Variants in KALRN observed in about 807,000 individuals in gnomAD.
KALRN encodes the protein kalirin.
In KALRN, 70 loss-of-function variants were observed where a neutral mutation model predicts 353.7. The ratio of observed to expected loss-of-function variants is 0.20; its 90% CI spans 0.16 to 0.24. The LOEUF (loss-of-function observed/expected upper bound fraction) is 0.24. Among genes scored for constraint, KALRN ranks in the 10% least tolerant of loss-of-function variants. The probability of loss-of-function intolerance (pLI) is 1.00; values close to 1 mark genes in which losing one functional copy is unlikely to be tolerated. For synonymous variants in KALRN, 1,391 were observed against 1,434.8 expected (o/e 0.97, Z 0.69); for missense variants, 2,791 against 3,756.7 (o/e 0.74, Z 6.72).
intron 5 of KALRN, among the ~76,000 whole-genome samples, chr3:124,283,153 A>T (rs572095404): frequency 1.3e-5 from 2 of 152,262 alleles, no homozygotes; most frequent in African/African-American, 4.8e-5. Context: ...CGATTTTAGG[A>T]TGTGTGGGAG....
intron 25 of KALRN, among the ~76,000 whole-genome samples, chr3:124,471,103 C>T (rs561525618): frequency 6.6e-6 from 1 of 152,132 alleles, no homozygotes; most frequent in South Asian, 2.1e-4. Context: ...GGGTCAGATA[C>T]ATGTTTACCA....
Position 124,719,705 on chromosome 3 carries a change from CAGA to C in KALRN, c.*238_*240del. 1 of 468,782 alleles carries C rather than the reference CAGA, an allele frequency of 2.1e-6. No individual in the cohort carries two copies. The highest frequency in any genetic ancestry group is 3.8e-6 in the Non-Finnish European group (1 of 260,882). The allele number at this position is 468,782 out of a possible 1,614,324, so 29.0% of individuals were successfully genotyped here. A position where few individuals can be genotyped will look rare whatever the true frequency, so the allele number is the denominator to read the frequency against. On this transcript the variant is annotated 3_prime_UTR_variant, in exon 60 of 60. Coordinates refer to ENST00000682506, the MANE Select transcript of KALRN (RefSeq NM_001388419.1). This position sits in a 1 kb window ranked among gnomAD's most constrained non-coding sequence, Gnocchi z 5.3. ...GAAGAAATAAAGAGGCAAAGGGTCACAGAAGTGTTCAGAAGAAGGGCAAAGATA... is the reference window on the plus strand; with the variant it reads ...GAAGAAATAAAGAGGCAAAGGGTCACAGTGTTCAGAAGAAGGGCAAAGATA...
At chr3:124,202,205 T>C (rs1372975932) in intron 1 of KALRN, among the ~76,000 whole-genome samples, 2 of 152,194 alleles carry the variant, frequency 1.3e-5, no homozygotes, top group Non-Finnish European at 2.9e-5. Flanking sequence ...TCTGGAAAGT[T>C]CCCTCTTTGT....
chr3:124,643,993 G>A (rs1371852787), intron 37 of KALRN, among the ~76,000 whole-genome samples: 1 of 152,096 alleles, frequency 6.6e-6, no homozygotes, highest in Non-Finnish European at 1.5e-5. Context: ...CTAAAGAGTA[G>A]CTAAATGTAC....
intron 8 of KALRN, 95 bp downstream of exon 8, chr3:124,330,087 T>C: frequency 7.5e-7 from 1 of 1,325,768 alleles, no homozygotes; most frequent in Non-Finnish European, 1.0e-6. Flanking sequence ...ATAGCCTGGG[T>C]GGGACTAAGA....
At position 124,484,158 on chromosome 3, in the gene KALRN, A is replaced by G. The variant is rs141188979; in HGVS notation, c.4284+1258A>G. ...TCTCATTTCACTGAACCTGAAAACC[A>G]GTCTAATTTTAAATCTGCCATTCTA... On this transcript the variant is annotated intron_variant, in intron 28 of 59. Coordinates refer to ENST00000682506, the MANE Select transcript of KALRN (RefSeq NM_001388419.1). Among the ~76,000 whole-genome samples the G allele has an allele frequency of 7.9e-5, 12 of 152,326 alleles. No homozygotes were observed. The East Asian group carries it at 2.1e-3, about 27-fold the overall frequency.
At chr3:124,246,520 G>A (rs2081141654) in intron 3 of KALRN, among the ~76,000 whole-genome samples, 1 of 150,814 alleles carries the variant, frequency 6.6e-6, no homozygotes, top group African/African-American at 2.5e-5. Context: ...CAGCTCCTTG[G>A]CTGGTTGTGT....
intron 5 of KALRN, among the ~76,000 whole-genome samples, chr3:124,295,675 G>A (rs753069585): frequency 6.6e-6 from 1 of 152,052 alleles, no homozygotes; most frequent in Non-Finnish European, 1.5e-5. Flanking sequence ...TGGAGTGAGC[G>A]CTTTTCATCA....
chr3:124,441,008 C>T (rs367909880), intron 18 of KALRN, among the ~76,000 whole-genome samples: 122 of 152,054 alleles, frequency 8.0e-4, no homozygotes, highest in African/African-American at 2.7e-3. Context: ...TAATATGAGT[C>T]GTAAAGGGGG....
At chr3:124,487,999 G>A (rs914084393) in intron 28 of KALRN, among the ~76,000 whole-genome samples, 1 of 152,202 alleles carries the variant, frequency 6.6e-6, no homozygotes, top group African/African-American at 2.4e-5. Context: ...GTTTGGGCTA[G>A]ATTGGGCTGA....
intron 11 of KALRN, among the ~76,000 whole-genome samples, chr3:124,390,535 G>A (rs1398697593): frequency 6.6e-6 from 1 of 152,116 alleles, no homozygotes; most frequent in Admixed American, 6.5e-5. Context: ...AACAAAAATA[G>A]CCTTATCCTC....
intron 1 of KALRN, among the ~76,000 whole-genome samples, chr3:124,186,784 A>T (rs914092706): frequency 3.3e-5 from 5 of 152,200 alleles, no homozygotes; most frequent in Admixed American, 6.5e-5. Context: ...CCATTAAAGT[A>T]ACTCGTTCCT....
intron 33 of KALRN, chr3:124,519,110 C>G (rs546355131): frequency 2.0e-6 from 2 of 985,788 alleles, no homozygotes; most frequent in Admixed American, 6.1e-5. Flanking sequence ...CTAGCTCCTC[C>G]ATAACCTCAC....
intron 16 of KALRN, among the ~76,000 whole-genome samples, chr3:124,431,836 A>C (rs937954446): frequency 6.6e-6 from 1 of 152,194 alleles, no homozygotes; most frequent in Non-Finnish European, 1.5e-5. Context: ...CAACCATTTA[A>C]TTTCCCGGAA....
At chr3:124,577,165 CT>C (rs760579893) in intron 34 of KALRN, among the ~76,000 whole-genome samples, 33 of 152,138 alleles carry the variant, frequency 2.2e-4, no homozygotes, top group Non-Finnish European at 4.6e-4. Flanking sequence ...AACCACCCCC[CT>C]ACCTTGAACC....
At chr3:124,227,663 GTTTTTTTTTTTTT>G (rs747087120) in intron 1 of KALRN, among the ~76,000 whole-genome samples, 162 of 69,238 alleles carry the variant, frequency 2.3e-3, no homozygotes, top group African/African-American at 6.6e-3. Flanking sequence ...CAACAGGGCT[GTTTTTTTTTTTTT>G]TTTTTTTTTT....
Position 124,448,766 on chromosome 3 carries a change from G to A in KALRN, c.3552+1881G>A, listed in dbSNP as rs560961695. On this transcript the variant is annotated intron_variant, in intron 21 of 59. Coordinates refer to ENST00000682506, the MANE Select transcript of KALRN (RefSeq NM_001388419.1). Reference sequence around the variant, plus strand: ...CTCCAGTAATCTATGCAATGTTATTGCCTATATAAGCCGACAGGATACTTA... The same window carrying A: ...CTCCAGTAATCTATGCAATGTTATTACCTATATAAGCCGACAGGATACTTA... Among the ~76,000 whole-genome samples the A allele has an allele frequency of 1.4e-4, 21 of 152,134 alleles. No homozygotes were observed. In the South Asian group the frequency reaches 4.1e-3, roughly 30 times the overall value.
At chr3:124,256,851 G>A (rs2072078941) in intron 3 of KALRN, among the ~76,000 whole-genome samples, 1 of 152,196 alleles carries the variant, frequency 6.6e-6, no homozygotes, top group Non-Finnish European at 1.5e-5. Flanking sequence ...GTGATTTCAT[G>A]GCAACTTAGA....
At chr3:124,502,294 G>A (rs1240209316) in intron 33 of KALRN, among the ~76,000 whole-genome samples, 4 of 152,180 alleles carry the variant, frequency 2.6e-5, no homozygotes, top group Admixed American at 6.5e-5. Flanking sequence ...GGGTCCAGTG[G>A]GGAAGGAGTG....
Sources: allele counts gnomAD v4.1 joint callset (sites outside exome capture counted in the v4.1 genomes callset), GRCh38; gene constraint gnomAD v4.1.1; non-coding constraint Gnocchi (gnomAD v3.1); transcripts MANE v1.5; gene names NCBI Gene and HGNC (gene_info 2026-07-23, HGNC 2026-07-21).